KCNK5: variants seen among roughly 807,000 people sequenced by gnomAD.
The protein encoded by KCNK5 is potassium two pore domain channel subfamily K member 5.
Under a neutral mutation model 32.9 loss-of-function variants are expected in KCNK5, and 18 were observed. The observed-to-expected ratio is 0.55, with a 90% CI of 0.38 to 0.81. The LOEUF (loss-of-function observed/expected upper bound fraction) is 0.81. KCNK5 is among the 30% of genes least tolerant of loss of function. The pLI is 0.00. For synonymous variants in KCNK5, 276 were observed against 275.3 expected, an observed-to-expected ratio of 1.00 and a Z score of -0.03; for missense variants, 507 against 651.0, an observed-to-expected ratio of 0.78 and a Z score of 2.41.
At chr6:39,201,041 C>T (rs184164269) in intron 1 of KCNK5, among the ~76,000 whole-genome samples, 69 of 152,316 alleles carry the variant, frequency 4.5e-4, no homozygotes, top group Admixed American at 3.7e-3. Flanking sequence ...GAGCTACTCC[C>T]GGCCCTGCCT....
chr6:39,208,340 C>A (rs1188422390), intron 1 of KCNK5, among the ~76,000 whole-genome samples: 3 of 152,126 alleles, frequency 2.0e-5, no homozygotes, highest in Non-Finnish European at 4.4e-5. Flanking sequence ...CACAACATTC[C>A]CCTTCCCACC....
intron 4 of KCNK5, among the ~76,000 whole-genome samples, chr6:39,192,283 CAAAAAAAAAAAAAA>C (rs1226626372): frequency 6.4e-5 from 3 of 46,720 alleles, no homozygotes; most frequent in African/African-American, 3.1e-4. Flanking sequence ...GACTCCGTCT[CAAAAAAAAAAAAAA>C]AAAAAAAAAA....
chr6:39,217,132 A>AAAAG (rs1771453797), intron 1 of KCNK5, among the ~76,000 whole-genome samples: 1 of 135,828 alleles, frequency 7.4e-6, no homozygotes, highest in Non-Finnish European at 1.6e-5. Flanking sequence ...AAAAAAAAAA[A>AAAAG]AAAAAAAAAA....
Position 39,223,080 on chromosome 6 carries a change from A to G in KCNK5, c.186+5846T>C, listed in dbSNP as rs550701013. Among the ~76,000 whole-genome samples, 233 of 152,342 alleles carry G rather than the reference A, an allele frequency of 1.5e-3. 1 individual carries two copies. Among genetic ancestry groups the G allele is most frequent in the African/African-American group, 5.4e-3 (226 of 41,576 alleles). Reference sequence around the variant, plus strand: ...AGTTGACGTTCTCTCTGTTCTAGGAAGACCTTCCTGATTCTTTGTAATACC... The same window carrying G: ...AGTTGACGTTCTCTCTGTTCTAGGAGGACCTTCCTGATTCTTTGTAATACC... On this transcript the variant is annotated intron_variant, in intron 1 of 4. Coordinates refer to ENST00000359534, the MANE Select transcript of KCNK5 (RefSeq NM_003740.4).
Position 39,190,949 on chromosome 6 carries a change from C to G in KCNK5, c.1441G>C (p.Val481Leu). 1 of 1,513,816 alleles carries G rather than the reference C, an allele frequency of 6.6e-7. No homozygotes were observed. Among genetic ancestry groups the G allele is most frequent in the Non-Finnish European group, 8.8e-7 (1 of 1,132,596 alleles). The allele number at this position is 1,513,816 out of a possible 1,614,324, so 93.8% of individuals were successfully genotyped here. ...TFTSTESELS[V>L]PYEQLMNEYN... ...TCATTCATCAGCTGTTCGTAAGGCA[C>G]AGAGAGCTCAGACTCAGTGCTGGTG... The change falls in exon 5 of 5, where the codon GTG (valine) becomes CTG (leucine). Residue 481 changes from valine (V) to leucine (L), a missense_variant. Val to Leu is a conservative substitution (Grantham distance 32). Transcript: ENST00000359534.
chr6:39,209,560 C>T (rs1203989104), intron 1 of KCNK5, among the ~76,000 whole-genome samples: 8 of 152,228 alleles, frequency 5.3e-5, no homozygotes, highest in African/African-American at 2.4e-5. Context: ...CCTCCAACTC[C>T]CCTAACCTGG....
intron 1 of KCNK5, among the ~76,000 whole-genome samples, chr6:39,208,380 G>A (rs1771266234): frequency 6.6e-6 from 1 of 152,114 alleles, no homozygotes; most frequent in African/African-American, 2.4e-5. Context: ...GCTCATTCAA[G>A]GAGCTGGTTT....
Position 39,193,562 on chromosome 6 carries a change from G to C in KCNK5, c.634+607C>G, listed in dbSNP as rs192087441. 2.8e-3 allele frequency among the ~76,000 whole-genome samples: 428 copies of C among 152,362 alleles called. 1 individual carries two copies. The highest frequency in any genetic ancestry group is 4.4e-3 in the Non-Finnish European group (300 of 68,034). Reference sequence around the variant, plus strand: ...ACAAGTACATGTGTGGCTGGGGCCAGCTGGTAACAGGCCTTCAGACAAAGG... The same window carrying C: ...ACAAGTACATGTGTGGCTGGGGCCACCTGGTAACAGGCCTTCAGACAAAGG... On this transcript the variant is annotated intron_variant, in intron 4 of 4. Transcript: ENST00000359534.
At chr6:39,197,070 C>T (rs188269609) in intron 1 of KCNK5, among the ~76,000 whole-genome samples, 2 of 152,346 alleles carry the variant, frequency 1.3e-5, no homozygotes, top group East Asian at 3.9e-4. Context: ...GGCTCAAGTC[C>T]TGTCCCCAAG....
Position 39,191,740 on chromosome 6 carries a change from G to A in KCNK5, c.650C>T (p.Ala217Val). 1.2e-6 allele frequency: 2 copies of A among 1,612,400 alleles called. No individual in the cohort carries two copies. The highest frequency in any genetic ancestry group is 1.7e-6 in the Non-Finnish European group (2 of 1,178,726). The part of the protein sequence containing the change: ...GDFVAGVNPS[A>V]NYHALYRYFV... ...GTAGCGGTACAGGGCGTGGTAGTTG[G>A]CGCTGGGGTTCACACCTGAGCGGAC... is the stretch of plus-strand genomic sequence containing the variant. The change falls in exon 5 of 5, where the codon GCC becomes GTC. Residue 217 changes from alanine (A) to valine (V), a missense_variant. This residue lies in a region of KCNK5 where 45 missense variants were observed against 107.6 expected (regional missense o/e 0.42). Transcript: ENST00000359534. The surrounding 1 kb of genome is among the most constrained non-coding windows in gnomAD (Gnocchi z 5.8).
rs762991083 is a variant in KCNK5 at position 39,194,798 on chromosome 6, T to C, written c.299-38A>G. On this transcript the variant is annotated intron_variant, in intron 2 of 4. Coordinates refer to ENST00000359534, the MANE Select transcript of KCNK5 (RefSeq NM_003740.4). This position sits in a 1 kb window ranked among gnomAD's most constrained non-coding sequence, Gnocchi z 4.7. Reference sequence around the variant, plus strand: ...AGAGTGAGGCCAAGAACAGGAGGGGTGGTCAAACCAGTGGGCCTTGCTTCC... The same window carrying C: ...AGAGTGAGGCCAAGAACAGGAGGGGCGGTCAAACCAGTGGGCCTTGCTTCC... The C allele has an allele frequency of 6.3e-7, 1 of 1,599,514 alleles. No individual in the cohort carries two copies. The highest frequency in any genetic ancestry group is 1.1e-5 in the South Asian group (1 of 90,404).
rs527925367 is a variant in KCNK5, at chr6:39,208,750, C to T, written c.187-12763G>A. Among the ~76,000 whole-genome samples the T allele has an allele frequency of 4.6e-5, 7 of 152,328 alleles. 1 individual carries two copies. The South Asian group carries it at 1.4e-3, about 32-fold the overall frequency. ...CAGAAGACTGAGTCACAATTAGAGA[C>T]AAGAGCAAGATCTCGATGCCCAACA... On this transcript the variant is annotated intron_variant, in intron 1 of 4. Coordinates refer to ENST00000359534, the MANE Select transcript of KCNK5 (RefSeq NM_003740.4).
At chr6:39,227,815 C>T (rs1771702058) in intron 1 of KCNK5, among the ~76,000 whole-genome samples, 2 of 152,122 alleles carry the variant, frequency 1.3e-5, no homozygotes, top group South Asian at 4.1e-4. Context: ...ACTAGATAGG[C>T]ATAAAGTATT....
At chr6:39,197,142 T>A (rs1403882564) in intron 1 of KCNK5, among the ~76,000 whole-genome samples, 1 of 151,700 alleles carries the variant, frequency 6.6e-6, no homozygotes. Flanking sequence ...AAATTGCCTA[T>A]AAAAACCAAG....
At chr6:39,197,790 C>T (rs1047060509) in intron 1 of KCNK5, among the ~76,000 whole-genome samples, 5 of 152,190 alleles carry the variant, frequency 3.3e-5, no homozygotes, top group South Asian at 4.1e-4. Context: ...GACCGGCCTA[C>T]AAGAAAAGAG....
intron 1 of KCNK5, among the ~76,000 whole-genome samples, chr6:39,222,428 G>A (rs1771570244): frequency 6.6e-6 from 1 of 152,208 alleles, no homozygotes; most frequent in African/African-American, 2.4e-5. Context: ...AGAGTAGAAT[G>A]TTCCACTTCT....
chr6:39,224,965 C>T (rs1020912971), intron 1 of KCNK5, among the ~76,000 whole-genome samples: 5 of 151,474 alleles, frequency 3.3e-5, no homozygotes, highest in African/African-American at 9.7e-5. Context: ...AGTGCAGTGG[C>T]GCAATCCAGG....
chr6:39,217,185 G>A (rs1261489678), intron 1 of KCNK5, among the ~76,000 whole-genome samples: 8 of 150,874 alleles, frequency 5.3e-5, no homozygotes, highest in Admixed American at 5.3e-4. Flanking sequence ...GTGCAGGGGT[G>A]TGGAATGCCT....
chr6:39,195,837 G>T, intron 2 of KCNK5, 39 bp downstream of exon 2: 1 of 1,476,142 alleles, frequency 6.8e-7, no homozygotes, highest in Non-Finnish European at 9.5e-7. Context: ...AGGAGCTAGG[G>T]CATGGATGTG....
Sources: gnomAD v4.1 joint callset for allele counts (sites outside exome capture counted in the v4.1 genomes callset) on GRCh38, gnomAD v4.1.1 for gene constraint, gnomAD v4.1.1 regional missense constraint, Gnocchi (gnomAD v3.1) non-coding constraint, MANE v1.5 for transcripts, NCBI Gene and HGNC (gene_info 2026-07-23, HGNC 2026-07-21) for gene names.